Variants in CCSER1 observed in about 807,000 individuals in gnomAD.
CCSER1 encodes serine-rich coiled-coil domain-containing protein 1.
A neutral mutation model predicts 82.0 loss-of-function variants in CCSER1; 41 were observed. That is an observed-to-expected ratio of 0.50 (90% CI 0.39 to 0.65). The LOEUF is 0.65. Ranked by LOEUF, CCSER1 falls within the 30% of genes least tolerant of loss-of-function variation. CCSER1 has a pLI of 0.00. For missense variants in CCSER1, 1,119 were observed against 1,064.2 expected, an observed-to-expected ratio of 1.05 and a Z score of -0.72; for synonymous variants, 414 against 383.9, an observed-to-expected ratio of 1.08 and a Z score of -0.92.
chr4:90,380,084 AC>A (rs1748982726), intron 3 of CCSER1, among the ~76,000 whole-genome samples: 1 of 152,124 alleles, frequency 6.6e-6, no homozygotes, highest in African/African-American at 2.4e-5. Context: ...CTCCTATCAG[AC>A]CCTACCTCCA....
rs78136669 is a variant in CCSER1, at chr4:91,076,121, T to A, written c.2173-9829T>A. Reference sequence around the variant, plus strand: ...AACACAATCTTGTCTAAAGCCCTAGTATCATATGGAAAATCCTCTTAAGCC... The same window carrying A: ...AACACAATCTTGTCTAAAGCCCTAGAATCATATGGAAAATCCTCTTAAGCC... On this transcript the variant is annotated intron_variant, in intron 9 of 10. Transcript: ENST00000509176. 5.1e-3 allele frequency among the ~76,000 whole-genome samples: 779 copies of A among 152,270 alleles called. 6 individuals carry two copies. Among genetic ancestry groups the A allele is most frequent in the African/African-American group, 0.016 (675 of 41,560 alleles).
chr4:90,963,293 C>T (rs539141726), intron 9 of CCSER1, among the ~76,000 whole-genome samples: 2 of 152,072 alleles, frequency 1.3e-5, no homozygotes, highest in Non-Finnish European at 2.9e-5. Context: ...AATCCCAAAA[C>T]TAGGTTCCTT....
intron 4 of CCSER1, among the ~76,000 whole-genome samples, chr4:90,467,633 A>G (rs780949276): frequency 1.3e-5 from 2 of 152,166 alleles, no homozygotes; most frequent in African/African-American, 2.4e-5. Context: ...CAGTGAGCCA[A>G]GATCGTGCCA....
At chr4:91,080,923 C>A (rs1237711512) in intron 9 of CCSER1, among the ~76,000 whole-genome samples, 6 of 152,126 alleles carry the variant, frequency 3.9e-5, no homozygotes, top group Non-Finnish European at 7.4e-5. Context: ...TAATAGCCTA[C>A]CAACCAAAAA....
chr4:90,551,706 CTATATA>C (rs1553940962), intron 5 of CCSER1, among the ~76,000 whole-genome samples: 15 of 104,228 alleles, frequency 1.4e-4, no homozygotes, highest in Non-Finnish European at 2.0e-4. Flanking sequence ...CTCTCTCTCT[CTATATA>C]TATATATATA....
At chr4:91,343,573 T>C (rs1293081199) in intron 10 of CCSER1, among the ~76,000 whole-genome samples, 1 of 152,162 alleles carries the variant, frequency 6.6e-6, no homozygotes. Context: ...CCAGAAATGA[T>C]TGTGGGTGCT....
At chr4:90,766,072 CTG>C (rs1751174038) in intron 7 of CCSER1, among the ~76,000 whole-genome samples, 1 of 151,628 alleles carries the variant, frequency 6.6e-6, no homozygotes, top group Non-Finnish European at 1.5e-5. Context: ...GTGTATGTGT[CTG>C]TGTGTGTGTC....
At chr4:91,463,020 A>C (rs1756602642) in intron 10 of CCSER1, among the ~76,000 whole-genome samples, 1 of 152,170 alleles carries the variant, frequency 6.6e-6, no homozygotes, top group African/African-American at 2.4e-5. Context: ...TGGTTCTCCC[A>C]GCATGCAGCT....
At chr4:91,440,369 G>T (rs1755033722) in intron 10 of CCSER1, among the ~76,000 whole-genome samples, 1 of 151,948 alleles carries the variant, frequency 6.6e-6, no homozygotes, top group African/African-American at 2.4e-5. Context: ...ATGACTACTG[G>T]GTACGTAACG....
At chr4:91,551,176 AAAT>A (rs1370427731) in intron 10 of CCSER1, among the ~76,000 whole-genome samples, 2 of 152,112 alleles carry the variant, frequency 1.3e-5, no homozygotes, top group Non-Finnish European at 2.9e-5. Context: ...TTTGAGGTAA[AAAT>A]AATATACTCT....
At chr4:91,545,964 C>T (rs1182630881) in intron 10 of CCSER1, among the ~76,000 whole-genome samples, 2 of 152,040 alleles carry the variant, frequency 1.3e-5, no homozygotes, top group African/African-American at 2.4e-5. Flanking sequence ...TTCCCCTATT[C>T]CTAGTTTGCT....
intron 1 of CCSER1, among the ~76,000 whole-genome samples, chr4:90,252,500 T>C (rs573302017): frequency 7.9e-5 from 12 of 151,956 alleles, no homozygotes; most frequent in African/African-American, 2.2e-4. Context: ...TTTAAGATTT[T>C]TAATTTTTGT....
intron 6 of CCSER1, among the ~76,000 whole-genome samples, chr4:90,722,723 T>G (rs1039540079): frequency 6.6e-6 from 1 of 151,938 alleles, no homozygotes; most frequent in South Asian, 2.1e-4. Flanking sequence ...ATTAACATTA[T>G]GCTGAATATC....
intron 4 of CCSER1, among the ~76,000 whole-genome samples, chr4:90,435,639 A>T (rs1029689157): frequency 2.0e-5 from 3 of 152,102 alleles, no homozygotes; most frequent in African/African-American, 7.2e-5. Flanking sequence ...GTTGGGAGAC[A>T]TTTAGTGATG....
At chr4:90,169,357 C>T (rs1036283855) in intron 1 of CCSER1, among the ~76,000 whole-genome samples, 1 of 152,106 alleles carries the variant, frequency 6.6e-6, no homozygotes, top group Non-Finnish European at 1.5e-5. Context: ...AGTTGCCTAT[C>T]AGCTTAAGGA....
intron 10 of CCSER1, among the ~76,000 whole-genome samples, chr4:91,131,139 A>T (rs1727953356): frequency 6.6e-6 from 1 of 151,990 alleles, no homozygotes; most frequent in Admixed American, 6.6e-5. Flanking sequence ...CTAAAAAACA[A>T]TTGTGTAAAT....
At chr4:90,748,807 A>G (rs894390104) in intron 7 of CCSER1, among the ~76,000 whole-genome samples, 2 of 149,346 alleles carry the variant, frequency 1.3e-5, no homozygotes, top group Admixed American at 6.7e-5. Context: ...GCATTTTTTC[A>G]TGTGTTTTTT....
intron 10 of CCSER1, among the ~76,000 whole-genome samples, chr4:91,590,664 G>T (rs944470507): frequency 6.6e-6 from 1 of 152,042 alleles, no homozygotes; most frequent in Non-Finnish European, 1.5e-5. Context: ...TCAACACATT[G>T]TGTCGTGATA....
intron 10 of CCSER1, among the ~76,000 whole-genome samples, chr4:91,362,203 A>G (rs1749296113): frequency 1.3e-5 from 2 of 151,864 alleles, no homozygotes; most frequent in African/African-American, 4.8e-5. Context: ...TATGGCAAAG[A>G]TTGTAGTTGT....
Sources: gnomAD v4.1 joint callset for allele counts (sites outside exome capture counted in the v4.1 genomes callset) on GRCh38, gnomAD v4.1.1 for gene constraint, MANE v1.5 for transcripts, NCBI Gene and HGNC (gene_info 2026-07-23, HGNC 2026-07-21) for gene names.